The following ZNF407 variants were observed in gnomAD, a reference collection of about 807,000 sequenced individuals.
The protein encoded by ZNF407 is zinc finger protein 407.
In ZNF407, 17 loss-of-function variants were observed where a neutral mutation model predicts 131.2. The ratio of observed to expected loss-of-function variants is 0.13; its 90% CI spans 0.09 to 0.19. The LOEUF (loss-of-function observed/expected upper bound fraction) is 0.19. Ranked by LOEUF, ZNF407 falls within the 10% of genes least tolerant of loss-of-function variation. The pLI is 1.00. For synonymous variants in ZNF407, 1,156 were observed against 1,062.0 expected (o/e 1.09, Z -1.72); for missense variants, 2,681 against 2,830.6 (o/e 0.95, Z 1.20).
intron 3 of ZNF407, among the ~76,000 whole-genome samples, chr18:74,733,384 A>G (rs888813962): frequency 1.6e-4 from 24 of 152,134 alleles, no homozygotes; most frequent in African/African-American, 2.4e-5. Context: ...TTTTTATTAT[A>G]AGATTTCTTC....
chr18:74,659,612 A>G (rs139375255), intron 3 of ZNF407, among the ~76,000 whole-genome samples: 201 of 152,284 alleles, frequency 1.3e-3, no homozygotes, highest in African/African-American at 4.7e-3. Flanking sequence ...TTTAATGATT[A>G]TATTTCTTGA....
intron 1 of ZNF407, among the ~76,000 whole-genome samples, chr18:74,610,364 A>G (rs943057094): frequency 9.9e-5 from 15 of 152,102 alleles, no homozygotes; most frequent in Admixed American, 1.3e-4. Flanking sequence ...CATGGTGAAC[A>G]TCCTGAAACC....
chr18:74,606,009 T>C (rs1047538982), intron 1 of ZNF407, among the ~76,000 whole-genome samples: 1 of 152,158 alleles, frequency 6.6e-6, no homozygotes, highest in African/African-American at 2.4e-5. Flanking sequence ...CTGTGAACTT[T>C]TGGAGAGGAA....
At chr18:74,647,036 A>G (rs1289267777) in intron 3 of ZNF407, among the ~76,000 whole-genome samples, 3 of 152,214 alleles carry the variant, frequency 2.0e-5, no homozygotes, top group Non-Finnish European at 4.4e-5. Context: ...AGTTGAAAAC[A>G]TTGGCTTCTG....
intron 3 of ZNF407, among the ~76,000 whole-genome samples, chr18:74,704,479 C>T (rs776485674): frequency 6.6e-6 from 1 of 152,160 alleles, no homozygotes; most frequent in African/African-American, 2.4e-5. Flanking sequence ...CAGATCTGGG[C>T]TCATGGCGAG....
At chr18:74,758,596 T>C (rs1969018860) in intron 3 of ZNF407, among the ~76,000 whole-genome samples, 1 of 152,156 alleles carries the variant, frequency 6.6e-6, no homozygotes, top group Admixed American at 6.6e-5. Context: ...AAAATATATC[T>C]ATATTTATTT....
intron 1 of ZNF407, among the ~76,000 whole-genome samples, chr18:74,615,350 C>T (rs527369721): frequency 6.6e-6 from 1 of 152,254 alleles, no homozygotes; most frequent in African/African-American, 2.4e-5. Context: ...ACTAAAAATA[C>T]AAAAATTAGC....
chr18:74,907,492 C>A (rs1432892858), intron 7 of ZNF407, among the ~76,000 whole-genome samples: 2 of 152,152 alleles, frequency 1.3e-5, no homozygotes, highest in African/African-American at 4.8e-5. Context: ...AGATCTCTGG[C>A]CTTGTTCTAA....
chr18:75,019,959 C>A (rs1363704481), intron 8 of ZNF407, among the ~76,000 whole-genome samples: 1 of 152,068 alleles, frequency 6.6e-6, no homozygotes, highest in African/African-American at 2.4e-5. Flanking sequence ...GGTCCCTCCC[C>A]CAACATTGGG....
chr18:74,815,868 G>A lies in ZNF407; in HGVS notation c.4877+34366G>A, dbSNP rs551883030. On this transcript the variant is annotated intron_variant, in intron 4 of 8. Coordinates refer to ENST00000299687, the MANE Select transcript of ZNF407 (RefSeq NM_017757.3). Reference sequence around the variant, plus strand: ...ATAGGTTATTACTGCGAAAGTATACGCCTTTGATTATGTTGCTTTCTTGCT... The same window carrying A: ...ATAGGTTATTACTGCGAAAGTATACACCTTTGATTATGTTGCTTTCTTGCT... 8.8e-4 allele frequency among the ~76,000 whole-genome samples: 134 copies of A among 152,162 alleles called. 1 individual carries two copies. Among genetic ancestry groups the A allele is most frequent in the Non-Finnish European group, 8.7e-4 (59 of 68,006 alleles).
intron 7 of ZNF407, among the ~76,000 whole-genome samples, chr18:74,892,109 C>T (rs922898903): frequency 2.0e-5 from 3 of 152,142 alleles, no homozygotes; most frequent in African/African-American, 7.2e-5. Context: ...TCATTATAAT[C>T]TATATTTACT....
At chr18:74,904,606 C>G (rs1326582401) in intron 7 of ZNF407, among the ~76,000 whole-genome samples, 1 of 152,124 alleles carries the variant, frequency 6.6e-6, no homozygotes, top group East Asian at 1.9e-4. Context: ...TCACTTCCTA[C>G]CATTTCTTCC....
intron 3 of ZNF407, among the ~76,000 whole-genome samples, chr18:74,668,430 T>G (rs1986014220): frequency 6.6e-6 from 1 of 152,202 alleles, no homozygotes; most frequent in African/African-American, 2.4e-5. Context: ...TTCTTGAAGT[T>G]TATACCTAAT....
chr18:74,788,317 G>C (rs1398578672), intron 4 of ZNF407, among the ~76,000 whole-genome samples: 2 of 152,108 alleles, frequency 1.3e-5, no homozygotes, highest in African/African-American at 4.8e-5. Flanking sequence ...TTAGCCATTT[G>C]GTTTTGGGGG....
intron 8 of ZNF407, among the ~76,000 whole-genome samples, chr18:75,056,601 GT>G (rs1453009277): frequency 6.6e-6 from 1 of 152,210 alleles, no homozygotes; most frequent in African/African-American, 2.4e-5. Context: ...ATATGTACCA[GT>G]GTTAACATAG....
At chr18:74,833,459 C>G (rs1012339650) in intron 4 of ZNF407, among the ~76,000 whole-genome samples, 3 of 152,196 alleles carry the variant, frequency 2.0e-5, no homozygotes, top group African/African-American at 7.2e-5. Context: ...CAGTGAGGCT[C>G]CAGCCTTTGA....
At chr18:74,956,856 T>C (rs537742593) in intron 8 of ZNF407, among the ~76,000 whole-genome samples, 1 of 152,284 alleles carries the variant, frequency 6.6e-6, no homozygotes, top group South Asian at 2.1e-4. Flanking sequence ...CATCAATAGC[T>C]AGGGAGAATC....
intron 7 of ZNF407, 30 bp from the exon 8 acceptor site, chr18:74,920,484 T>A: frequency 6.5e-7 from 1 of 1,543,168 alleles, no homozygotes; most frequent in Middle Eastern, 1.8e-4. Flanking sequence ...TTGACCTTAA[T>A]TAGATTTACT....
chr18:74,887,130 G>C (rs929392328), intron 6 of ZNF407, among the ~76,000 whole-genome samples: 1 of 152,138 alleles, frequency 6.6e-6, no homozygotes, highest in African/African-American at 2.4e-5. Context: ...TCATGATACA[G>C]AATATTCTGT....
Sources: allele counts gnomAD v4.1 joint callset (sites outside exome capture counted in the v4.1 genomes callset), GRCh38; gene constraint gnomAD v4.1.1; transcripts MANE v1.5; gene names NCBI Gene and HGNC (gene_info 2026-07-23, HGNC 2026-07-21).